Variants in BICD2 observed in about 807,000 individuals in gnomAD.
BICD2 encodes the protein BICD cargo adaptor 2, also known as protein bicaudal D homolog 2.
BICD2 carries 25 observed loss-of-function variants against 72.9 expected under a neutral mutation model. The observed-to-expected ratio is 0.34, with a 90% confidence interval of 0.25 to 0.48. The LOEUF (loss-of-function observed/expected upper bound fraction) is 0.48. Ranked by LOEUF, BICD2 falls within the 20% of genes least tolerant of loss-of-function variation. The pLI is 0.99. For synonymous variants in BICD2, 501 were observed against 516.1 expected, an observed-to-expected ratio of 0.97 and a Z score of 0.40; for missense variants, 894 against 1,175.2, an observed-to-expected ratio of 0.76 and a Z score of 3.50.
chr9:92,763,544 C>T (rs1304905062), intron 1 of BICD2, among the ~76,000 whole-genome samples: 1 of 152,218 alleles, frequency 6.6e-6, no homozygotes, highest in African/African-American at 2.4e-5. Context: ...GCAAGGGGCA[C>T]AGCCTGGATC....
At chr9:92,722,606 A>G in intron 3 of BICD2, 50 bp downstream of exon 3, 1 of 1,611,072 alleles carries the variant, frequency 6.2e-7, no homozygotes, top group Non-Finnish European at 8.5e-7. Flanking sequence ...GAGGTCCTCA[A>G]GGCCCAGTTA....
intron 1 of BICD2, among the ~76,000 whole-genome samples, chr9:92,753,624 C>T (rs1359106260): frequency 2.0e-5 from 3 of 151,892 alleles, no homozygotes; most frequent in Admixed American, 1.3e-4. Context: ...CCACAAGCTC[C>T]GCCTTCCGGG....
intron 2 of BICD2, among the ~76,000 whole-genome samples, chr9:92,727,890 G>C (rs1267678248): frequency 6.6e-6 from 1 of 152,162 alleles, no homozygotes; most frequent in Non-Finnish European, 1.5e-5. Flanking sequence ...GGACAGGCAC[G>C]GGGTACTGCT....
chr9:92,751,998 T>C (rs1225730547), intron 1 of BICD2, among the ~76,000 whole-genome samples: 4 of 151,746 alleles, frequency 2.6e-5, no homozygotes, highest in Non-Finnish European at 5.9e-5. Flanking sequence ...AGAGACGAGG[T>C]TTCCCCATGT....
chr9:92,711,517 T>C lies in BICD2; in HGVS notation c.*3637A>G, dbSNP rs894823891. The C allele has an allele frequency of 2.6e-5, 4 of 152,656 alleles. No individual in the cohort carries two copies. The highest frequency in any genetic ancestry group is 7.2e-5 in the African/African-American group (3 of 41,460). The allele number at this position is 152,656 out of a possible 1,614,324, so 9.5% of individuals were successfully genotyped here. The stretch of plus-strand genomic sequence containing the variant: ...ATTTCTCCTTCCTATTCCTTTTCCA[T>C]GCTCTGCCTCATTTTCTCAGAAATT... On this transcript the variant is annotated 3_prime_UTR_variant, in exon 7 of 7. Transcript: ENST00000356884.
At chr9:92,727,741 C>T (rs1054628927) in intron 2 of BICD2, among the ~76,000 whole-genome samples, 2 of 151,558 alleles carry the variant, frequency 1.3e-5, no homozygotes, top group African/African-American at 4.9e-5. Context: ...CACTTTTGTC[C>T]CCACAGCCCA....
chr9:92,737,208 A>C (rs1853806598), intron 1 of BICD2, among the ~76,000 whole-genome samples: 1 of 152,166 alleles, frequency 6.6e-6, no homozygotes, highest in Non-Finnish European at 1.5e-5. Flanking sequence ...CTGGGTTAAT[A>C]ATGTCACCAA....
intron 6 of BICD2, among the ~76,000 whole-genome samples, chr9:92,715,856 G>A (rs545322172): frequency 6.6e-6 from 1 of 152,310 alleles, no homozygotes; most frequent in African/African-American, 2.4e-5. Flanking sequence ...GGTGGCCTGG[G>A]GCATCAAGAC....
chr9:92,739,704 G>A (rs1339942752), intron 1 of BICD2, among the ~76,000 whole-genome samples: 2 of 152,184 alleles, frequency 1.3e-5, no homozygotes, highest in Non-Finnish European at 2.9e-5. Context: ...AGTAAACACT[G>A]ATCAAATGGC....
rs879593684 is a variant in BICD2 at position 92,714,995 on chromosome 9, C to T, written c.*159G>A. ...AGTGAGAAGCGACACAAAGCTCTCA[C>T]AAGTGTCCTGCTGATGCAACGCCCC... is the stretch of plus-strand genomic sequence containing the variant. On this transcript the variant is annotated 3_prime_UTR_variant, in exon 7 of 7. Transcript: ENST00000356884. 7 of 1,416,438 alleles carry T rather than the reference C, an allele frequency of 4.9e-6. No homozygotes were observed. Among genetic ancestry groups the T allele is most frequent in the Admixed American group, 3.1e-5 (1 of 32,628 alleles). 87.7% of individuals were successfully genotyped at this position (1,416,438 alleles called of 1,614,324 possible).
intron 1 of BICD2, among the ~76,000 whole-genome samples, chr9:92,750,090 G>A (rs1854116681): frequency 6.6e-6 from 1 of 152,228 alleles, no homozygotes; most frequent in Non-Finnish European, 1.5e-5. Context: ...TTCACAGTCA[G>A]CAAGTGGCAG....
At chr9:92,747,602 T>A (rs571676984) in intron 1 of BICD2, among the ~76,000 whole-genome samples, 7 of 152,234 alleles carry the variant, frequency 4.6e-5, no homozygotes, top group South Asian at 4.1e-4. Context: ...AACATTACCC[T>A]CACTTCAGCC....
chr9:92,738,647 A>C lies in BICD2; in HGVS notation c.241-9411T>G, dbSNP rs946921965. On this transcript the variant is annotated intron_variant, in intron 1 of 6. Coordinates refer to ENST00000356884, the MANE Select transcript of BICD2 (RefSeq NM_001003800.2). The stretch of plus-strand genomic sequence containing the variant: ...GAGTTGAAACAGGTCTGCACAGGAG[A>C]CTGAGAACCAACCCCACTTGCCGAC... 4.6e-5 allele frequency among the ~76,000 whole-genome samples: 7 copies of C among 152,272 alleles called. No homozygotes were observed. The South Asian group carries it at 1.5e-3, about 32-fold the overall frequency.
At chr9:92,756,204 T>C (rs1279465411) in intron 1 of BICD2, among the ~76,000 whole-genome samples, 3 of 151,382 alleles carry the variant, frequency 2.0e-5, no homozygotes, top group African/African-American at 4.9e-5. Context: ...GTGATGACAA[T>C]GCAGCAATGC....
chr9:92,757,002 T>C (rs1444450281), intron 1 of BICD2, among the ~76,000 whole-genome samples: 1 of 151,786 alleles, frequency 6.6e-6, no homozygotes, highest in Non-Finnish European at 1.5e-5. Flanking sequence ...CAGTGCAGTA[T>C]GAAAGGGGAC....
intron 1 of BICD2, among the ~76,000 whole-genome samples, chr9:92,740,072 G>A (rs150340944): frequency 1.7e-3 from 257 of 152,278 alleles, no homozygotes; most frequent in Non-Finnish European, 3.1e-3. Flanking sequence ...CAAACCTATC[G>A]TGACCCAAAC....
Position 92,717,822 on chromosome 9 carries a change from A to C in BICD2, c.2233T>G (p.Ser745Ala). ...CTGGTGGCAAACATAGCACGCAGCGAGGAGAAGGTGGCTGCGTCCTCCTTG... is the reference window on the plus strand; with the variant it reads ...CTGGTGGCAAACATAGCACGCAGCGCGGAGAAGGTGGCTGCGTCCTCCTTG... ...ALKEDAATFS[S>A]LRAMFATRCD... The change falls in exon 6 of 7, where the codon TCG becomes GCG. Residue 745 changes from serine to alanine, a missense_variant. Transcript: ENST00000356884. 6.2e-7 allele frequency: 1 copy of C among 1,611,782 alleles called. No homozygotes were observed. Among genetic ancestry groups the C allele is most frequent in the Non-Finnish European group, 8.5e-7 (1 of 1,179,706 alleles).
intron 1 of BICD2, among the ~76,000 whole-genome samples, chr9:92,753,011 G>A (rs1278873090): frequency 1.3e-5 from 2 of 152,156 alleles, no homozygotes; most frequent in Non-Finnish European, 2.9e-5. Context: ...GTCAACAGCA[G>A]CAGTGACAGG....
At chr9:92,735,038 C>T (rs1020519406) in intron 1 of BICD2, among the ~76,000 whole-genome samples, 9 of 152,212 alleles carry the variant, frequency 5.9e-5, no homozygotes, top group South Asian at 4.1e-4. Flanking sequence ...TGGCTATGGG[C>T]GAACACTGTG....
Sources: gnomAD v4.1 joint callset for allele counts (sites outside exome capture counted in the v4.1 genomes callset) on GRCh38, gnomAD v4.1.1 for gene constraint, MANE v1.5 for transcripts, NCBI Gene and HGNC (gene_info 2026-07-23, HGNC 2026-07-21) for gene names.